GFI1B: variants seen among roughly 807,000 people sequenced by gnomAD.
The protein encoded by GFI1B is zinc finger protein Gfi-1b.
In GFI1B, 20 loss-of-function variants were observed where a neutral mutation model predicts 35.3. The observed-to-expected ratio is 0.57, with a 90% CI of 0.40 to 0.82. The LOEUF (loss-of-function observed/expected upper bound fraction) is 0.82, where lower values mean the gene tolerates loss of function less well. GFI1B is among the 40% of genes least tolerant of loss of function. The probability of loss-of-function intolerance (pLI) is 0.00; values close to 1 mark genes in which losing one functional copy is unlikely to be tolerated. For synonymous variants in GFI1B, 178 were observed against 177.6 expected (o/e 1.00, Z -0.02); for missense variants, 430 against 446.3 (o/e 0.96, Z 0.33).
chr9:132,971,499 G>T (rs563049984), intron 1 of GFI1B, among the ~76,000 whole-genome samples: 1 of 152,342 alleles, frequency 6.6e-6, no homozygotes, highest in Non-Finnish European at 1.5e-5. Flanking sequence ...AGCTGGGGGA[G>T]TTGTCATCTG....
At chr9:132,964,743 CTTTTTTTTTTTTTTT>C (rs71376675) in intron 1 of GFI1B, among the ~76,000 whole-genome samples, 10 of 107,936 alleles carry the variant, frequency 9.3e-5, no homozygotes, top group Non-Finnish European at 1.3e-4. Flanking sequence ...ATTTTTCTTC[CTTTTTTTTTTTTTTT>C]TTTTTTTTTT....
At chr9:132,967,727 A>AC (rs1848469413) in intron 1 of GFI1B, among the ~76,000 whole-genome samples, 4 of 152,186 alleles carry the variant, frequency 2.6e-5, no homozygotes, top group African/African-American at 9.7e-5. Flanking sequence ...CATGATATCT[A>AC]TTATATATAT....
At chr9:132,963,846 C>A (rs1055642325) in intron 1 of GFI1B, 1 of 152,078 alleles carries the variant, frequency 6.6e-6, no homozygotes, top group South Asian at 2.1e-4. Context: ...TAAACTATGG[C>A]GCAGTAAGAT....
intron 1 of GFI1B, among the ~76,000 whole-genome samples, chr9:132,984,422 C>A (rs1848951338): frequency 6.6e-6 from 1 of 152,164 alleles, no homozygotes; most frequent in Non-Finnish European, 1.5e-5. Flanking sequence ...GTTCAGAGAG[C>A]CGAGAATCTG....
chr9:132,963,411 C>T (rs1376687991), intron 1 of GFI1B, among the ~76,000 whole-genome samples: 3 of 152,046 alleles, frequency 2.0e-5, no homozygotes, highest in Non-Finnish European at 2.9e-5. Context: ...ACCTGGGAGG[C>T]GGAGGTTGCA....
At chr9:132,964,716 A>C (rs912548804) in intron 1 of GFI1B, among the ~76,000 whole-genome samples, 1 of 143,888 alleles carries the variant, frequency 6.9e-6, no homozygotes, top group Admixed American at 6.9e-5. Context: ...GTAGCCAAGG[A>C]TGATTATCTC....
chr9:132,973,907 A>T (rs547045143), upstream of GFI1B, among the ~76,000 whole-genome samples: 5 of 152,208 alleles, frequency 3.3e-5, no homozygotes, highest in Admixed American at 3.3e-4. Flanking sequence ...TGAGAGGCCC[A>T]TATCCCTCCC....
chr9:132,963,887 A>T (rs1011518631), intron 1 of GFI1B: 2 of 152,224 alleles, frequency 1.3e-5, no homozygotes, highest in African/African-American at 4.8e-5. Flanking sequence ...TTTGTCAAGA[A>T]CCAAGATTTC....
intron 1 of GFI1B, chr9:132,962,482 G>A (rs962504404): frequency 1.5e-5 from 7 of 476,284 alleles, no homozygotes; most frequent in East Asian, 6.1e-5. Context: ...CTCTGCTATC[G>A]TGGTGTGTGT....
At chr9:132,964,591 C>A (rs1384119986) in intron 1 of GFI1B, among the ~76,000 whole-genome samples, 1 of 152,144 alleles carries the variant, frequency 6.6e-6, no homozygotes, top group African/African-American at 2.4e-5. Context: ...GCAAAAACCA[C>A]AACCTTGCAC....
chr9:132,961,591 ATT>A (rs1171494542), intron 1 of GFI1B, among the ~76,000 whole-genome samples: 16 of 135,174 alleles, frequency 1.2e-4, no homozygotes, highest in African/African-American at 3.6e-4. Context: ...AATACCTCTC[ATT>A]TTTTTTTTTT....
rs149585839 is a variant in GFI1B at position 132,961,086 on chromosome 9, C to T, written c.-700-11639C>T. Among the ~76,000 whole-genome samples the T allele has an allele frequency of 3.3e-3, 501 of 152,172 alleles. 3 individuals are homozygous for T. The highest frequency in any genetic ancestry group is 0.011 in the African/African-American group (473 of 41,498). ...GTTAGATCCCTCTCCACACCCTACA[C>T]CAGAATAAACTTTAAGTGTCAAAAG... On this transcript the variant is annotated intron_variant, in intron 1 of 10. Transcript: ENST00000339463.
chr9:132,968,159 T>C (rs1382943030), intron 1 of GFI1B, among the ~76,000 whole-genome samples: 4 of 151,684 alleles, frequency 2.6e-5, no homozygotes, highest in Non-Finnish European at 5.9e-5. Flanking sequence ...CTCTGTCACC[T>C]GGGCTAGAGT....
At chr9:132,986,408 T>C (rs575203726) in intron 1 of GFI1B, among the ~76,000 whole-genome samples, 2 of 152,218 alleles carry the variant, frequency 1.3e-5, no homozygotes, top group African/African-American at 2.4e-5. Context: ...TCCATCTTCT[T>C]ATAAGGACAC....
intron 1 of GFI1B, among the ~76,000 whole-genome samples, chr9:132,947,514 G>A (rs1016375009): frequency 6.6e-6 from 1 of 151,426 alleles, no homozygotes; most frequent in Non-Finnish European, 1.5e-5. Context: ...CAAATTTATA[G>A]ACAAAGTAAA....
intron 1 of GFI1B, among the ~76,000 whole-genome samples, chr9:132,971,629 AGAGAGACAGAAG>A (rs1491392950): frequency 6.6e-6 from 1 of 152,196 alleles, no homozygotes; most frequent in African/African-American, 2.4e-5. Flanking sequence ...AAAGAGGGCA[AGAGAGACAGAAG>A]GAGAGACAGA....
At chr9:132,964,100 C>T (rs1019894978) in intron 1 of GFI1B, among the ~76,000 whole-genome samples, 1 of 151,988 alleles carries the variant, frequency 6.6e-6, no homozygotes, top group Non-Finnish European at 1.5e-5. Context: ...ATTAGCTGGG[C>T]ATGGTGATGC....
intron 1 of GFI1B, among the ~76,000 whole-genome samples, chr9:132,966,918 A>G (rs2132604063): frequency 6.6e-6 from 1 of 152,340 alleles, no homozygotes; most frequent in African/African-American, 2.4e-5. Flanking sequence ...TTTATTCAGG[A>G]ATAGGCATTG....
intron 1 of GFI1B, chr9:132,963,696 G>A (rs1848405347): frequency 6.6e-6 from 1 of 151,908 alleles, no homozygotes; most frequent in Non-Finnish European, 1.5e-5. Context: ...GTTGAATATT[G>A]GAGACAACCC....
Sources: gnomAD v4.1 joint callset for allele counts (sites outside exome capture counted in the v4.1 genomes callset) on GRCh38, gnomAD v4.1.1 for gene constraint, MANE v1.5 for transcripts, NCBI Gene and HGNC (gene_info 2026-07-23, HGNC 2026-07-21) for gene names.